Variants in UNC5D observed in about 807,000 individuals in gnomAD.
UNC5D encodes the protein unc-5 netrin receptor D.
UNC5D carries 39 observed loss-of-function variants against 105.4 expected under a neutral mutation model. That is an observed-to-expected ratio of 0.37 (90% CI 0.29 to 0.48). The LOEUF (loss-of-function observed/expected upper bound fraction) is 0.48. UNC5D is among the 20% of genes least tolerant of loss of function. The pLI, the probability that UNC5D is intolerant of heterozygous loss-of-function variation, is 0.98. For missense variants in UNC5D, 991 were observed against 1,202.4 expected, an observed-to-expected ratio of 0.82 and a Z score of 2.60; for synonymous variants, 452 against 450.4, an observed-to-expected ratio of 1.00 and a Z score of -0.04.
At chr8:35,323,469 T>C (rs1809911355) in intron 1 of UNC5D, among the ~76,000 whole-genome samples, 1 of 152,146 alleles carries the variant, frequency 6.6e-6, no homozygotes, top group African/African-American at 2.4e-5. Flanking sequence ...CCCTTTAGTC[T>C]GCCCTTCACC....
chr8:35,716,278 T>C (rs574989275), intron 8 of UNC5D, among the ~76,000 whole-genome samples: 15 of 152,334 alleles, frequency 9.8e-5, no homozygotes, highest in African/African-American at 3.4e-4. Context: ...ACCTACCTCA[T>C]AGATTTTCTT....
intron 4 of UNC5D, among the ~76,000 whole-genome samples, chr8:35,631,920 G>T (rs1822066199): frequency 6.6e-6 from 1 of 152,166 alleles, no homozygotes; most frequent in Non-Finnish European, 1.5e-5. Flanking sequence ...ATATTAGCCA[G>T]AACAATTAAG....
chr8:35,271,675 ATATATATG>A (rs1414896503), intron 1 of UNC5D, among the ~76,000 whole-genome samples: 2 of 45,094 alleles, frequency 4.4e-5, no homozygotes, highest in African/African-American at 1.3e-4. Flanking sequence ...ACAGGTATAC[ATATATATG>A]TATACATGTA....
intron 13 of UNC5D, among the ~76,000 whole-genome samples, chr8:35,753,150 A>G (rs1240496446): frequency 1.3e-5 from 2 of 152,206 alleles, no homozygotes; most frequent in African/African-American, 4.8e-5. Flanking sequence ...CACCATAACC[A>G]TAGCTTTTCA....
In UNC5D at chr8:35,670,157, G is replaced by T. The variant is rs113146702; in HGVS notation, c.571-13390G>T. On this transcript the variant is annotated intron_variant, in intron 4 of 16. Transcript: ENST00000404895. ...AAAACAGGTGAAAGAACAAATTCAAGAACAGCCATCATTACCCTTAACAGT... is the reference window on the plus strand; with the variant it reads ...AAAACAGGTGAAAGAACAAATTCAATAACAGCCATCATTACCCTTAACAGT... Among the ~76,000 whole-genome samples, 1,070 of 152,184 alleles carry T rather than the reference G, an allele frequency of 7.0e-3. 21 individuals carry two copies. The highest frequency in any genetic ancestry group is 0.024 in the African/African-American group (982 of 41,526).
intron 1 of UNC5D, among the ~76,000 whole-genome samples, chr8:35,237,084 C>T (rs62503910): frequency 0.074 from 11,306 of 151,794 alleles, 563 homozygotes; most frequent in Non-Finnish European, 0.11. Flanking sequence ...AAAAGCAGTC[C>T]GGCTGCCTAG....
At chr8:35,420,243 C>G (rs903390120) in intron 1 of UNC5D, among the ~76,000 whole-genome samples, 25 of 151,972 alleles carry the variant, frequency 1.6e-4, no homozygotes, top group African/African-American at 5.6e-4. Flanking sequence ...ATTGAAGAAG[C>G]TACAGAGCTT....
At chr8:35,726,686 C>T in intron 10 of UNC5D, 157 bp downstream of exon 10, 5 of 1,140,006 alleles carry the variant, frequency 4.4e-6, no homozygotes, top group Non-Finnish European at 5.0e-6. Flanking sequence ...ACACAGCAAA[C>T]CAGAACCAAT....
At chr8:35,387,314 G>A (rs562979851) in intron 1 of UNC5D, among the ~76,000 whole-genome samples, 1 of 146,248 alleles carries the variant, frequency 6.8e-6, no homozygotes, top group African/African-American at 2.5e-5. Flanking sequence ...AGTGAGTAGA[G>A]ATCGCGCCAC....
At position 35,420,126 on chromosome 8, in the gene UNC5D, C is replaced by T. The variant is rs184226337; in HGVS notation, c.104-129166C>T. On this transcript the variant is annotated intron_variant, in intron 1 of 16. Transcript: ENST00000404895. The stretch of plus-strand genomic sequence containing the variant: ...TGTCTTTGGTTTGAAGGTGAGATTT[C>T]ACCAGGGACCTGTGCCTGCCTGCCT... Among the ~76,000 whole-genome samples, 8 of 152,296 alleles carry T rather than the reference C, an allele frequency of 5.3e-5. No individual in the cohort carries two copies. In the East Asian group the frequency reaches 1.5e-3, roughly 29 times the overall value.
At chr8:35,608,884 A>G (rs939311820) in intron 4 of UNC5D, among the ~76,000 whole-genome samples, 2 of 152,076 alleles carry the variant, frequency 1.3e-5, no homozygotes, top group African/African-American at 4.8e-5. Context: ...ATGTGAGTAC[A>G]TGTATCTATT....
chr8:35,330,801 C>T (rs377068137), intron 1 of UNC5D, among the ~76,000 whole-genome samples: 28 of 152,242 alleles, frequency 1.8e-4, no homozygotes, highest in African/African-American at 2.2e-4. Flanking sequence ...CCTTAATGCG[C>T]GGATGCTTTG....
intron 4 of UNC5D, among the ~76,000 whole-genome samples, chr8:35,601,380 T>C (rs1200399012): frequency 6.6e-6 from 1 of 152,208 alleles, no homozygotes. Context: ...AATCTATAAA[T>C]TACCTTGGGC....
chr8:35,308,678 C>A (rs1444432630), intron 1 of UNC5D, among the ~76,000 whole-genome samples: 1 of 152,002 alleles, frequency 6.6e-6, no homozygotes, highest in Non-Finnish European at 1.5e-5. Context: ...CATGCATGGT[C>A]CATGTTTATA....
At chr8:35,518,481 T>A (rs1362952254) in intron 1 of UNC5D, among the ~76,000 whole-genome samples, 1 of 152,176 alleles carries the variant, frequency 6.6e-6, no homozygotes, top group Non-Finnish European at 1.5e-5. Flanking sequence ...AATTTACATA[T>A]GTTGGTAAAT....
At chr8:35,507,879 T>A (rs1812440772) in intron 1 of UNC5D, among the ~76,000 whole-genome samples, 1 of 152,140 alleles carries the variant, frequency 6.6e-6, no homozygotes, top group African/African-American at 2.4e-5. Context: ...CCTGTAAGTA[T>A]ACATACCTAC....
intron 1 of UNC5D, among the ~76,000 whole-genome samples, chr8:35,361,822 C>T (rs1234341204): frequency 6.6e-6 from 1 of 152,098 alleles, no homozygotes; most frequent in Non-Finnish European, 1.5e-5. Context: ...TATAATTCTG[C>T]CTAGAACAGC....
intron 1 of UNC5D, among the ~76,000 whole-genome samples, chr8:35,375,050 A>T (rs80229200): frequency 0.052 from 7,932 of 152,302 alleles, 239 homozygotes; most frequent in African/African-American, 0.085. Context: ...GACTTCAGCT[A>T]AGGCTTATAT....
chr8:35,753,559 T>C (rs1266042896), intron 13 of UNC5D, among the ~76,000 whole-genome samples: 1 of 152,146 alleles, frequency 6.6e-6, no homozygotes, highest in African/African-American at 2.4e-5. Context: ...AGCAGAGAGG[T>C]ATTTCTTAAA....
Sources: allele counts gnomAD v4.1 joint callset (sites outside exome capture counted in the v4.1 genomes callset), GRCh38; gene constraint gnomAD v4.1.1; transcripts MANE v1.5; gene names NCBI Gene and HGNC (gene_info 2026-07-23, HGNC 2026-07-21).